TOX: variants seen among roughly 807,000 people sequenced by gnomAD.
TOX encodes the protein thymocyte selection associated high mobility group box.
A neutral mutation model predicts 53.7 loss-of-function variants in TOX; 11 were observed. The observed-to-expected ratio is 0.20, with a 90% CI of 0.13 to 0.34. The LOEUF is 0.34. TOX is among the 10% of genes least tolerant of loss of function. The pLI, the probability that TOX is intolerant of heterozygous loss-of-function variation, is 1.00. For synonymous variants in TOX, 225 were observed against 245.3 expected (o/e 0.92, Z 0.77); for missense variants, 570 against 664.6 (o/e 0.86, Z 1.56).
intron 4 of TOX, among the ~76,000 whole-genome samples, chr8:58,850,847 T>C (rs998493327): frequency 6.6e-6 from 1 of 152,202 alleles, no homozygotes; most frequent in East Asian, 1.9e-4. Flanking sequence ...GCGCTGCTTT[T>C]GGTAGCATGT....
intron 3 of TOX, among the ~76,000 whole-genome samples, chr8:58,918,927 C>A (rs1812025094): frequency 6.6e-6 from 1 of 151,840 alleles, no homozygotes; most frequent in South Asian, 2.1e-4. Context: ...AAACAGAGAG[C>A]CAAATCATAA....
chr8:59,108,323 A>G (rs1563449106), intron 1 of TOX, among the ~76,000 whole-genome samples: 2 of 152,172 alleles, frequency 1.3e-5, no homozygotes. Flanking sequence ...ATATTGTGCA[A>G]TGAAAATGGT....
chr8:59,027,139 T>C (rs1814258414), intron 1 of TOX, among the ~76,000 whole-genome samples: 1 of 152,190 alleles, frequency 6.6e-6, no homozygotes, highest in Non-Finnish European at 1.5e-5. Context: ...AAAGGAAATG[T>C]TTCTGGTTTC....
At chr8:58,993,307 G>A (rs1813490978) in intron 1 of TOX, among the ~76,000 whole-genome samples, 1 of 152,182 alleles carries the variant, frequency 6.6e-6, no homozygotes, top group Non-Finnish European at 1.5e-5. Flanking sequence ...TTGGAAAGAT[G>A]GGGGTGTATG....
At chr8:58,835,824 C>G (rs1467466761) in intron 5 of TOX, among the ~76,000 whole-genome samples, 1 of 152,098 alleles carries the variant, frequency 6.6e-6, no homozygotes, top group Non-Finnish European at 1.5e-5. Flanking sequence ...AGTGGCAGAG[C>G]AGGCGATTGA....
intron 3 of TOX, among the ~76,000 whole-genome samples, chr8:58,920,721 T>TAAAAAAAAAAAAAAAAAAAAAAAAA (rs5891703): frequency 3.6e-4 from 29 of 80,998 alleles, no homozygotes; most frequent in Middle Eastern, 0.011. Flanking sequence ...AAAAAAACAT[T>TAAAAAAAAAAAAAAAAAAAAAAAAA]AAAAAAAAAA....
At position 59,064,877 on chromosome 8, in the gene TOX, GA is replaced by G. The variant is rs1299835763; in HGVS notation, c.102+54008del. Among the ~76,000 whole-genome samples, 3 of 152,014 alleles carry G rather than the reference GA, an allele frequency of 2.0e-5. No homozygotes were observed. In the East Asian group the frequency reaches 5.8e-4, roughly 29 times the overall value. ...GTCTGTATAATTTTTAAAAATGAAA[GA>G]ACCATTCTAATGTTAATTTGGATCA... On this transcript the variant is annotated intron_variant, in intron 1 of 8. Coordinates refer to ENST00000361421, the MANE Select transcript of TOX (RefSeq NM_014729.3).
At chr8:58,887,800 C>T (rs959440236) in intron 3 of TOX, among the ~76,000 whole-genome samples, 3 of 151,758 alleles carry the variant, frequency 2.0e-5, no homozygotes, top group Admixed American at 6.6e-5. Flanking sequence ...GGTTTTTATA[C>T]GTTTTATATA....
At chr8:58,910,093 C>T (rs1252029170) in intron 3 of TOX, among the ~76,000 whole-genome samples, 1 of 152,092 alleles carries the variant, frequency 6.6e-6, no homozygotes, top group Non-Finnish European at 1.5e-5. Flanking sequence ...TCTTAAATGG[C>T]CCTAATTGTG....
intron 1 of TOX, among the ~76,000 whole-genome samples, chr8:58,983,110 A>C (rs919804454): frequency 1.3e-5 from 2 of 152,324 alleles, no homozygotes; most frequent in Middle Eastern, 3.4e-3. Flanking sequence ...TTACTCCTAC[A>C]TCAGTTTCAC....
chr8:58,945,346 A>G (rs992767197), intron 2 of TOX, among the ~76,000 whole-genome samples: 1 of 152,226 alleles, frequency 6.6e-6, no homozygotes, highest in African/African-American at 2.4e-5. Flanking sequence ...TTTTGAGACT[A>G]TTAATGGAAT....
At chr8:58,927,773 GC>G (rs1030115162) in intron 3 of TOX, among the ~76,000 whole-genome samples, 3 of 152,122 alleles carry the variant, frequency 2.0e-5, no homozygotes, top group African/African-American at 7.2e-5. Context: ...CTCACTGTCT[GC>G]CCAGTACTGC....
chr8:58,929,223 A>C (rs1295060366), intron 3 of TOX, among the ~76,000 whole-genome samples: 1 of 152,114 alleles, frequency 6.6e-6, no homozygotes. Flanking sequence ...ATTAGTTGAA[A>C]GAAAAAAAGA....
chr8:58,821,808 C>A (rs1007341660), intron 6 of TOX, among the ~76,000 whole-genome samples: 15 of 152,140 alleles, frequency 9.9e-5, no homozygotes, highest in African/African-American at 3.6e-4. Context: ...AGATGTAGGT[C>A]CTATTATCTT....
chr8:58,853,864 G>C (rs927187188), intron 3 of TOX, among the ~76,000 whole-genome samples: 48 of 152,172 alleles, frequency 3.2e-4, no homozygotes, highest in African/African-American at 1.2e-3. Context: ...GCCAAGGACA[G>C]AGGGTACCAT....
intron 3 of TOX, among the ~76,000 whole-genome samples, chr8:58,915,507 A>G (rs1384404233): frequency 2.5e-5 from 3 of 119,556 alleles, no homozygotes; most frequent in Admixed American, 1.7e-4. Context: ...TGTTAGAAGG[A>G]AAACTAACAA....
chr8:58,932,173 G>C (rs1812265891), intron 3 of TOX, among the ~76,000 whole-genome samples: 2 of 151,858 alleles, frequency 1.3e-5, no homozygotes, highest in Non-Finnish European at 2.9e-5. Flanking sequence ...CATATTTATT[G>C]TATTTGGTCA....
intron 1 of TOX, among the ~76,000 whole-genome samples, chr8:59,113,831 A>G (rs375236840): frequency 2.0e-5 from 3 of 152,262 alleles, no homozygotes; most frequent in South Asian, 4.1e-4. Flanking sequence ...AATAGGAAGA[A>G]TCATCAGTAT....
Position 58,815,466 on chromosome 8 carries a change from G to T in TOX, c.1264C>A (p.Gln422Lys). Reference protein sequence around the residue: ...NMAVSPPPPLQISPPLHQHLN... With the variant: ...NMAVSPPPPLKISPPLHQHLN... ...TGCTGGTGAAGAGGCGGGCTGATCT[G>T]GAGGGGAGGAGGAGGGGACACAGCC... is the stretch of plus-strand genomic sequence containing the variant. Residue 422 changes from glutamine (Q) to lysine (K), a missense_variant, in exon 7 of 9, where the codon CAG becomes AAG. Coordinates refer to ENST00000361421, the MANE Select transcript of TOX (RefSeq NM_014729.3). 1 of 1,614,084 alleles carries T rather than the reference G, an allele frequency of 6.2e-7. No homozygotes were observed. The highest frequency in any genetic ancestry group is 8.5e-7 in the Non-Finnish European group (1 of 1,180,010).
Sources: gnomAD v4.1 joint callset for allele counts (sites outside exome capture counted in the v4.1 genomes callset) on GRCh38, gnomAD v4.1.1 for gene constraint, MANE v1.5 for transcripts, NCBI Gene and HGNC (gene_info 2026-07-23, HGNC 2026-07-21) for gene names.